Variants in SMC6 observed in about 807,000 individuals in gnomAD.
SMC6 encodes the protein structural maintenance of chromosomes protein 6.
In SMC6, 79 loss-of-function variants were observed where a neutral mutation model predicts 142.2. The observed-to-expected ratio is 0.56, with a 90% confidence interval of 0.46 to 0.67. The LOEUF (loss-of-function observed/expected upper bound fraction) is 0.67, where lower values mean the gene tolerates loss of function less well. Ranked by LOEUF, SMC6 falls within the 30% of genes least tolerant of loss-of-function variation. SMC6 has a pLI of 0.00. For missense variants in SMC6, 1,072 were observed against 1,284.0 expected, an observed-to-expected ratio of 0.83 and a Z score of 2.52; for synonymous variants, 411 against 412.4, an observed-to-expected ratio of 1.00 and a Z score of 0.04.
chr2:17,715,078 GAA>G lies in SMC6; in HGVS notation c.1526-15_1526-14del. Reference sequence around the variant, plus strand: ...TGAATGCAAGCTCCTAAAAGTGAGAGAAAATTACAGAAGGGCTCATAAATACT... The same window carrying G: ...TGAATGCAAGCTCCTAAAAGTGAGAGAATTACAGAAGGGCTCATAAATACT... On this transcript the variant is annotated splice_polypyrimidine_tract_variant and intron_variant, in intron 15 of 27. Coordinates refer to ENST00000448223, the MANE Select transcript of SMC6 (RefSeq NM_001142286.2). 6.2e-7 allele frequency: 1 copy of G among 1,608,986 alleles called. No homozygotes were observed. The highest frequency in any genetic ancestry group is 8.5e-7 in the Non-Finnish European group (1 of 1,178,600).
At chr2:17,714,126 C>T (rs1160807852) in intron 16 of SMC6, among the ~76,000 whole-genome samples, 1 of 145,244 alleles carries the variant, frequency 6.9e-6, no homozygotes, top group African/African-American at 2.5e-5. Context: ...TCTCATTCTT[C>T]ACCCAAGCTG....
chr2:17,668,808 A>G (rs536506031), intron 26 of SMC6, among the ~76,000 whole-genome samples: 68 of 152,276 alleles, frequency 4.5e-4, no homozygotes, highest in African/African-American at 1.6e-3. Flanking sequence ...ACAGCTGAAA[A>G]AAGCAGGCAG....
chr2:17,700,100 C>T (rs899771295), intron 21 of SMC6, 108 bp downstream of exon 21: 12 of 617,254 alleles, frequency 1.9e-5, no homozygotes, highest in Non-Finnish European at 3.1e-5. Flanking sequence ...AATTTTTATG[C>T]TATTTACATT....
rs1667482510 is a variant in SMC6 at position 17,686,949 on chromosome 2, T to A, written c.2679-3186A>T. 2.6e-5 allele frequency among the ~76,000 whole-genome samples: 4 copies of A among 152,192 alleles called. No individual in the cohort carries two copies. In the South Asian group the frequency reaches 8.3e-4, roughly 32 times the overall value. On this transcript the variant is annotated intron_variant, in intron 23 of 27. Transcript: ENST00000448223. Reference sequence around the variant, plus strand: ...TAAAATTACCTTCAGGCTATGTGTATAAGGTGTATATAAAACATAAATGAA... The same window carrying A: ...TAAAATTACCTTCAGGCTATGTGTAAAAGGTGTATATAAAACATAAATGAA...
intron 9 of SMC6, 64 bp from the exon 10 acceptor site, chr2:17,721,325 A>T (rs1669365126): frequency 6.9e-7 from 1 of 1,457,264 alleles, no homozygotes; most frequent in African/African-American, 1.4e-5. Flanking sequence ...ATTTTTGCAA[A>T]TCTATTTCTT....
At chr2:17,669,263 G>A (rs115342048) in intron 26 of SMC6, among the ~76,000 whole-genome samples, 104 of 152,276 alleles carry the variant, frequency 6.8e-4, no homozygotes, top group African/African-American at 2.4e-3. Flanking sequence ...TTTCAACCTC[G>A]GGGCTGCTGA....
chr2:17,674,396 T>C (rs73921034), intron 25 of SMC6, among the ~76,000 whole-genome samples: 1,909 of 152,316 alleles, frequency 0.013, 21 homozygotes, highest in East Asian at 0.031. Context: ...TTAATTCCAC[T>C]TTACAATATA....
At chr2:17,740,253 C>T (rs1320908639) in intron 4 of SMC6, among the ~76,000 whole-genome samples, 2 of 152,154 alleles carry the variant, frequency 1.3e-5, no homozygotes, top group African/African-American at 4.8e-5. Context: ...TCCCCTTGTC[C>T]ATCTGTTTCT....
Position 17,714,944 on chromosome 2 carries a change from C to T in SMC6, c.1647G>A (p.Met549Ile). ...AGGTCCCTGGTAAATAAAACCTTTT[C>T]ATGAGTGCCTGAAGGACCCTTTCAT... ...HADERVLQAL[M>I]KRFYLPGTSR... The change falls in exon 16 of 28, where the codon ATG (methionine) becomes ATA (isoleucine). Residue 549 changes from methionine (M) to isoleucine (I), a missense_variant. Physicochemically the swap from Met to Ile is conservative, Grantham distance 10. Around this residue, in one of 3 missense-constraint regions of SMC6, gnomAD observed 994 missense variants for 1,153.2 expected, o/e 0.86. Coordinates refer to ENST00000448223, the MANE Select transcript of SMC6 (RefSeq NM_001142286.2). 1 of 1,613,934 alleles carries T rather than the reference C, an allele frequency of 6.2e-7. No individual in the cohort carries two copies. Among genetic ancestry groups the T allele is most frequent in the Non-Finnish European group, 8.5e-7 (1 of 1,179,918 alleles).
rs772226192 is a variant in SMC6 at position 17,716,140 on chromosome 2, T to C, written c.1471A>G (p.Ile491Val). 6.2e-7 allele frequency: 1 copy of C among 1,610,386 alleles called. No individual in the cohort carries two copies. The highest frequency in any genetic ancestry group is 8.5e-7 in the Non-Finnish European group (1 of 1,179,130). ...TGTCCTTGTCTATAAGCATCATCTA[T>C]GGCTTCAAGAAGAGCTGGAACATTA... Reference protein sequence around the residue: ...GPNVPALLEAIDDAYRQGHFT... With the variant: ...GPNVPALLEAVDDAYRQGHFT... Residue 491 changes from isoleucine to valine, a missense_variant, in exon 15 of 28, where the codon ATA becomes GTA. By Grantham distance (29) the Ile-to-Val change is conservative (BLOSUM62 3). Coordinates refer to ENST00000448223, the MANE Select transcript of SMC6 (RefSeq NM_001142286.2).
intron 24 of SMC6, among the ~76,000 whole-genome samples, chr2:17,683,070 T>C (rs1361356527): frequency 6.6e-6 from 1 of 152,200 alleles, no homozygotes; most frequent in Non-Finnish European, 1.5e-5. Context: ...TGTTTATTTC[T>C]GTCACTTGTG....
chr2:17,674,398 T>C (rs1666909097), intron 25 of SMC6, among the ~76,000 whole-genome samples: 1 of 152,224 alleles, frequency 6.6e-6, no homozygotes, highest in Non-Finnish European at 1.5e-5. Context: ...AATTCCACTT[T>C]ACAATATATT....
rs932427998 is a variant in SMC6, at chr2:17,683,646, T to C, written c.2796A>G (p.Gln932=). 2.5e-6 allele frequency: 4 copies of C among 1,608,946 alleles called. No individual in the cohort carries two copies. In the African/African-American group the frequency reaches 4.0e-5, roughly 16 times the overall value. ...TTTTTCAATGTACTTACCTTCTAAA[T>C]TGTTGATATGTCTTGAATCTGTGCT... is the stretch of plus-strand genomic sequence containing the variant. ...IMEHRFKTYQ[Q]FRRCLTLRCK... The change falls in exon 24 of 28, where the codon CAA becomes CAG. Residue 932 remains glutamine (Q), a synonymous_variant. Coordinates refer to ENST00000448223, the MANE Select transcript of SMC6 (RefSeq NM_001142286.2).
At chr2:17,698,886 C>G (rs1668136359) in intron 21 of SMC6, among the ~76,000 whole-genome samples, 1 of 152,028 alleles carries the variant, frequency 6.6e-6, no homozygotes, top group Non-Finnish European at 1.5e-5. Flanking sequence ...ATTATATACA[C>G]CAAACATCAC....
intron 3 of SMC6, among the ~76,000 whole-genome samples, chr2:17,745,137 G>A (rs1470340700): frequency 2.0e-5 from 3 of 152,050 alleles, no homozygotes; most frequent in Non-Finnish European, 4.4e-5. Context: ...CAGCATTTCT[G>A]CAACCATATC....
intron 11 of SMC6, among the ~76,000 whole-genome samples, chr2:17,719,064 C>A (rs183008388): frequency 1.3e-3 from 198 of 152,216 alleles, no homozygotes; most frequent in African/African-American, 4.5e-3. Flanking sequence ...AGAACTATTT[C>A]GATCGGGGTC....
chr2:17,697,679 T>C lies in SMC6; in HGVS notation c.2395-1253A>G, dbSNP rs1009863617. Among the ~76,000 whole-genome samples, 19 of 151,998 alleles carry C rather than the reference T, an allele frequency of 1.3e-4. 2 individuals carry two copies. Among genetic ancestry groups the C allele is most frequent in the Admixed American group, 1.0e-3 (16 of 15,240 alleles). Reference sequence around the variant, plus strand: ...TCTCACTCACTAGCATGGTTAAAATTAAAAAGGCAGAAAATAACCAGTGTT... The same window carrying C: ...TCTCACTCACTAGCATGGTTAAAATCAAAAAGGCAGAAAATAACCAGTGTT... On this transcript the variant is annotated intron_variant, in intron 21 of 27. Transcript: ENST00000448223.
intron 25 of SMC6, 93 bp from the exon 26 acceptor site, chr2:17,670,668 G>C (rs1666712323): frequency 3.3e-6 from 4 of 1,229,846 alleles, no homozygotes; most frequent in Non-Finnish European, 3.3e-6. Flanking sequence ...TAGATTTACA[G>C]TAAAAAGGAG....
At chr2:17,735,015 G>A (rs980640979) in intron 5 of SMC6, among the ~76,000 whole-genome samples, 5 of 152,142 alleles carry the variant, frequency 3.3e-5, no homozygotes, top group African/African-American at 1.2e-4. Flanking sequence ...ACAAGTGTGA[G>A]CCACAGTGCC....
Sources: allele counts gnomAD v4.1 joint callset (sites outside exome capture counted in the v4.1 genomes callset), GRCh38; gene constraint gnomAD v4.1.1; regional missense constraint gnomAD v4.1.1; transcripts MANE v1.5; gene names NCBI Gene and HGNC (gene_info 2026-07-23, HGNC 2026-07-21).